The following PSD3 variants were observed in gnomAD, a reference collection of about 807,000 sequenced individuals.
The protein encoded by PSD3 is pleckstrin and Sec7 domain containing 3.
A neutral mutation model predicts 105.5 loss-of-function variants in PSD3; 49 were observed. The observed-to-expected ratio is 0.46, with a 90% CI of 0.37 to 0.59. The LOEUF (loss-of-function observed/expected upper bound fraction) is 0.59. PSD3 is among the 20% of genes least tolerant of loss of function. The probability of loss-of-function intolerance (pLI) is 0.00; values close to 1 mark genes in which losing one functional copy is unlikely to be tolerated. For missense variants in PSD3, 1,561 were observed against 1,263.8 expected (o/e 1.24, Z -3.57); for synonymous variants, 557 against 457.8 (o/e 1.22, Z -2.77).
chr8:18,985,869 T>A (rs1825474201), intron 1 of PSD3, among the ~76,000 whole-genome samples: 1 of 152,068 alleles, frequency 6.6e-6, no homozygotes, highest in African/African-American at 2.4e-5. Flanking sequence ...ATACTTTTTT[T>A]AATGGATACT....
At chr8:18,725,513 C>A (rs1310594709) in intron 9 of PSD3, among the ~76,000 whole-genome samples, 1 of 152,136 alleles carries the variant, frequency 6.6e-6, no homozygotes, top group Non-Finnish European at 1.5e-5. Flanking sequence ...GGACAATGGG[C>A]TTGGCATTCT....
chr8:18,835,687 TA>T (rs1814048288), intron 4 of PSD3, among the ~76,000 whole-genome samples: 1 of 152,094 alleles, frequency 6.6e-6, no homozygotes, highest in South Asian at 2.1e-4. Context: ...AGAGAATCAT[TA>T]AAAATGTGAA....
chr8:18,743,747 G>C (rs1015352351), intron 9 of PSD3, among the ~76,000 whole-genome samples: 1 of 149,780 alleles, frequency 6.7e-6, no homozygotes, highest in Non-Finnish European at 1.5e-5. Context: ...GACCAATCTG[G>C]GCAACACAGA....
At chr8:18,824,474 C>T (rs1813016089) in intron 4 of PSD3, among the ~76,000 whole-genome samples, 1 of 152,080 alleles carries the variant, frequency 6.6e-6, no homozygotes, top group South Asian at 2.1e-4. Context: ...GAACACCTGC[C>T]TTACAGGGTT....
chr8:18,863,389 A>C (rs996447710), intron 4 of PSD3, among the ~76,000 whole-genome samples: 11 of 152,138 alleles, frequency 7.2e-5, no homozygotes, highest in African/African-American at 2.7e-4. Flanking sequence ...AGGACTTCAC[A>C]CAGCACCGCT....
intron 11 of PSD3, among the ~76,000 whole-genome samples, chr8:18,629,144 G>T (rs1355671090): frequency 6.6e-6 from 1 of 151,964 alleles, no homozygotes; most frequent in Non-Finnish European, 1.5e-5. Context: ...TAAAGTGGCT[G>T]TATTAATATT....
chr8:18,751,024 G>C (rs367827556), intron 9 of PSD3, among the ~76,000 whole-genome samples: 1 of 152,154 alleles, frequency 6.6e-6, no homozygotes, highest in African/African-American at 2.4e-5. Flanking sequence ...CTGCCTGCCA[G>C]TCCTGCGCGA....
At chr8:18,615,743 G>A (rs1365973464) in intron 11 of PSD3, among the ~76,000 whole-genome samples, 2 of 152,172 alleles carry the variant, frequency 1.3e-5, no homozygotes, top group Non-Finnish European at 1.5e-5. Context: ...AGAAGGGCAG[G>A]TAACTGCTGA....
chr8:18,777,546 CATA>C (rs1164008755), intron 8 of PSD3, among the ~76,000 whole-genome samples: 1 of 152,114 alleles, frequency 6.6e-6, no homozygotes, highest in Non-Finnish European at 1.5e-5. Flanking sequence ...AACATTAACA[CATA>C]ATAACTATAC....
chr8:18,893,205 A>C (rs1276861675), intron 2 of PSD3, among the ~76,000 whole-genome samples: 6 of 152,182 alleles, frequency 3.9e-5, no homozygotes, highest in Non-Finnish European at 8.8e-5. Flanking sequence ...GGATGGAATC[A>C]GAATCACAGG....
intron 2 of PSD3, among the ~76,000 whole-genome samples, chr8:18,895,822 T>C (rs1403129573): frequency 6.6e-6 from 1 of 152,260 alleles, no homozygotes; most frequent in Non-Finnish European, 1.5e-5. Flanking sequence ...AAGTCCACTC[T>C]TTCGGCTATT....
In PSD3 at chr8:18,642,724, T is replaced by C. The variant is rs941097941; in HGVS notation, c.2217-9918A>G. Among the ~76,000 whole-genome samples, 5 of 152,212 alleles carry C rather than the reference T, an allele frequency of 3.3e-5. No homozygotes were observed. In the South Asian group the frequency reaches 8.3e-4, roughly 25 times the overall value. On this transcript the variant is annotated intron_variant, in intron 10 of 15. Transcript: ENST00000327040. Reference sequence around the variant, plus strand: ...ATATTTGTAAAGTACATAACTTTCATCATATTTAGAAATATTTAAGCTTTT... The same window carrying C: ...ATATTTGTAAAGTACATAACTTTCACCATATTTAGAAATATTTAAGCTTTT...
intron 8 of PSD3, among the ~76,000 whole-genome samples, chr8:18,782,195 G>A (rs995113978): frequency 1.2e-4 from 18 of 151,954 alleles, no homozygotes; most frequent in African/African-American, 4.1e-4. Context: ...TCTGTTGCTG[G>A]AGAATTATTG....
At chr8:18,782,631 G>T (rs558978382) in intron 8 of PSD3, among the ~76,000 whole-genome samples, 19 of 152,214 alleles carry the variant, frequency 1.2e-4, no homozygotes, top group African/African-American at 4.6e-4. Context: ...TCAGGAGGAC[G>T]AATCCTTGGT....
At chr8:18,964,141 G>C (rs1182237507) in intron 1 of PSD3, among the ~76,000 whole-genome samples, 2 of 152,132 alleles carry the variant, frequency 1.3e-5, no homozygotes, top group Non-Finnish European at 2.9e-5. Context: ...GTTTGTTTCT[G>C]TTTTTGAGAG....
chr8:18,694,941 G>C (rs948924201), intron 9 of PSD3, among the ~76,000 whole-genome samples: 40 of 152,136 alleles, frequency 2.6e-4, no homozygotes, highest in African/African-American at 9.6e-4. Flanking sequence ...CTAACTCTTA[G>C]ATATTTAAAA....
At chr8:18,652,497 T>G (rs894766043) in intron 10 of PSD3, among the ~76,000 whole-genome samples, 3 of 142,052 alleles carry the variant, frequency 2.1e-5, no homozygotes, top group Admixed American at 2.1e-4. Context: ...AGCTTAGTTT[T>G]TTTTTTTTTT....
At chr8:18,833,971 C>A (rs1323725688) in intron 4 of PSD3, among the ~76,000 whole-genome samples, 2 of 151,662 alleles carry the variant, frequency 1.3e-5, no homozygotes, top group African/African-American at 4.8e-5. Context: ...AAAATTCTAC[C>A]AAGAATAAAA....
At chr8:18,700,921 A>G (rs954085066) in intron 9 of PSD3, among the ~76,000 whole-genome samples, 2 of 152,112 alleles carry the variant, frequency 1.3e-5, no homozygotes, top group African/African-American at 4.8e-5. Flanking sequence ...ATAATCTCCA[A>G]GGTCTTTGGA....
Sources: gnomAD v4.1 joint callset for allele counts (sites outside exome capture counted in the v4.1 genomes callset) on GRCh38, gnomAD v4.1.1 for gene constraint, MANE v1.5 for transcripts, NCBI Gene and HGNC (gene_info 2026-07-23, HGNC 2026-07-21) for gene names.